Variants in STT3A observed in about 807,000 individuals in gnomAD.
STT3A encodes STT3 oligosaccharyltransferase complex catalytic subunit A.
In STT3A, 34 loss-of-function variants were observed where a neutral mutation model predicts 89.2. That is an observed-to-expected ratio of 0.38 (90% CI 0.29 to 0.51). STT3A has a LOEUF of 0.51. Ranked by LOEUF, STT3A falls within the 20% of genes least tolerant of loss-of-function variation. The pLI is 0.89. For synonymous variants in STT3A, 282 were observed against 310.3 expected, an observed-to-expected ratio of 0.91 and a Z score of 0.96; for missense variants, 555 against 889.5, an observed-to-expected ratio of 0.62 and a Z score of 4.78.
At chr11:125,598,031 G>A (rs1160713882) in intron 3 of STT3A, among the ~76,000 whole-genome samples, 1 of 152,132 alleles carries the variant, frequency 6.6e-6, no homozygotes, top group African/African-American at 2.4e-5. Flanking sequence ...GGCCAACATA[G>A]TAAAACCCCA....
At chr11:125,592,085 G>C (rs1197893074), upstream of STT3A, among the ~76,000 whole-genome samples, 2 of 152,206 alleles carry the variant, frequency 1.3e-5, no homozygotes, top group East Asian at 3.9e-4. Flanking sequence ...CTGCCTCCCG[G>C]TCTCCCGAGG....
chr11:125,619,901 C>G, intron 16 of STT3A, 110 bp from the exon 17 acceptor site: 2 of 918,250 alleles, frequency 2.2e-6, no homozygotes, highest in Non-Finnish European at 3.3e-6. Flanking sequence ...CAACAAATTG[C>G]AGGCTGAGGA....
intron 3 of STT3A, among the ~76,000 whole-genome samples, chr11:125,598,599 T>C (rs990077585): frequency 1.1e-4 from 16 of 152,070 alleles, no homozygotes; most frequent in African/African-American, 3.9e-4. Flanking sequence ...AGGAGACATG[T>C]CCTTTTGTTT....
At chr11:125,594,280 C>A (rs1267394424) in intron 1 of STT3A, among the ~76,000 whole-genome samples, 3 of 152,130 alleles carry the variant, frequency 2.0e-5, no homozygotes, top group Non-Finnish European at 4.4e-5. Context: ...TCTTGATCAC[C>A]TTGTAATTTA....
At chr11:125,611,755 A>G (rs1392627062) in intron 11 of STT3A, among the ~76,000 whole-genome samples, 1 of 151,252 alleles carries the variant, frequency 6.6e-6, no homozygotes, top group African/African-American at 2.4e-5. Context: ...GCATTTTTGC[A>G]CTTTGTTGGA....
intron 8 of STT3A, 23 bp from the exon 9 acceptor site, chr11:125,608,086 C>G (rs754253410): frequency 6.4e-7 from 1 of 1,573,106 alleles, no homozygotes; most frequent in East Asian, 2.3e-5. Flanking sequence ...TTAGTATTAA[C>G]ATACATATCC....
At chr11:125,615,564 A>T (rs1400276356) in intron 15 of STT3A, among the ~76,000 whole-genome samples, 1 of 152,234 alleles carries the variant, frequency 6.6e-6, no homozygotes, top group Non-Finnish European at 1.5e-5. Context: ...CATAGCATCT[A>T]CACTGTATTA....
chr11:125,619,905 C>T (rs932534149), intron 16 of STT3A, 106 bp from the exon 17 acceptor site: 2 of 959,844 alleles, frequency 2.1e-6, no homozygotes, highest in Admixed American at 4.8e-5. Context: ...AAATTGCAGG[C>T]TGAGGAATAA....
At chr11:125,618,325 T>C in intron 15 of STT3A, 48 bp from the exon 16 acceptor site, 1 of 1,532,420 alleles carries the variant, frequency 6.5e-7, no homozygotes, top group Non-Finnish European at 8.8e-7. Context: ...CTGCTTTAAC[T>C]CCAGCAACTT....
intron 1 of STT3A, among the ~76,000 whole-genome samples, chr11:125,594,015 A>G (rs1184472940): frequency 6.6e-6 from 1 of 152,228 alleles, no homozygotes; most frequent in Non-Finnish European, 1.5e-5. Flanking sequence ...AGTATAATTA[A>G]CAACAAAAAT....
At chr11:125,606,557 A>G in intron 8 of STT3A, 92 bp downstream of exon 8, 14 of 1,384,032 alleles carry the variant, frequency 1.0e-5, no homozygotes, top group Non-Finnish European at 1.4e-5. Flanking sequence ...TAAGAAGAGT[A>G]CGACTTATTC....
chr11:125,601,693 G>A (rs114775927), intron 3 of STT3A, among the ~76,000 whole-genome samples: 1 of 152,236 alleles, frequency 6.6e-6, no homozygotes, highest in African/African-American at 2.4e-5. Context: ...TCTTCATGGT[G>A]CTTGAATTCT....
chr11:125,606,207 T>C, intron 7 of STT3A, 94 bp from the exon 8 acceptor site: 1 of 1,161,172 alleles, frequency 8.6e-7, no homozygotes, highest in Non-Finnish European at 1.2e-6. Flanking sequence ...ACTATAAGTG[T>C]TCTTTAAAGA....
chr11:125,612,327 TA>T (rs1940050581), intron 11 of STT3A, among the ~76,000 whole-genome samples: 1 of 152,342 alleles, frequency 6.6e-6, no homozygotes, highest in Non-Finnish European at 1.5e-5. Flanking sequence ...GTGTTTCTCA[TA>T]TTTTTTTGGT....
At position 125,614,229 on chromosome 11, in the gene STT3A, T is replaced by G; in HGVS notation, c.1671+26T>G. The G allele has an allele frequency of 6.2e-7, 1 of 1,612,366 alleles. No homozygotes were observed. Among genetic ancestry groups the G allele is most frequent in the Non-Finnish European group, 8.5e-7 (1 of 1,178,610 alleles). On this transcript the variant is annotated intron_variant, in intron 14 of 17. Coordinates refer to ENST00000392708, the MANE Select transcript of STT3A (RefSeq NM_152713.5). The surrounding 1 kb of genome is among the most constrained non-coding windows in gnomAD (Gnocchi z 4.9). ...GTAAGATAAAGGGATGATCTTTGAG[T>G]GTTTGGTGTACAAGGTCTAATGGGA...
At chr11:125,600,795 T>C (rs6590151) in intron 3 of STT3A, among the ~76,000 whole-genome samples, 42,444 of 152,086 alleles carry the variant, frequency 0.28, 6,115 homozygotes, top group East Asian at 0.41. Flanking sequence ...TATCTTTCTA[T>C]ATTTTTTTTG....
chr11:125,605,707 C>CTAAGTG lies in STT3A; in HGVS notation c.589_594dup (p.Lys197_Cys198dup). Reference sequence around the variant, plus strand: ...AAGACTGGTTCCATCTGTTGGGCAGCTAAGTGTGCCCTTGCTTATTTCTAC... The same window carrying CTAAGTG: ...AAGACTGGTTCCATCTGTTGGGCAGCTAAGTGTAAGTGTGCCCTTGCTTATTTCTAC... On this transcript the variant is annotated inframe_insertion, in exon 7 of 18. Transcript: ENST00000392708. The CTAAGTG allele has an allele frequency of 6.2e-7, 1 of 1,613,912 alleles. No homozygotes were observed. Among genetic ancestry groups the CTAAGTG allele is most frequent in the Non-Finnish European group, 8.5e-7 (1 of 1,179,874 alleles).
chr11:125,620,894 T>C lies in STT3A; in HGVS notation c.*84T>C. 1 of 1,127,612 alleles carries C rather than the reference T, an allele frequency of 8.9e-7. No individual in the cohort carries two copies. Among genetic ancestry groups the C allele is most frequent in the Non-Finnish European group, 1.2e-6 (1 of 801,344 alleles). The allele number at this position is 1,127,612 out of a possible 1,614,324, so 69.9% of individuals were successfully genotyped here. On this transcript the variant is annotated 3_prime_UTR_variant, in exon 18 of 18. Transcript: ENST00000392708. ...GATTTTTTTTTTTTTTTTTTTTTAA[T>C]ATGCAGTTTGTAAGAACAAAACTGG...
At chr11:125,619,899 T>C in intron 16 of STT3A, 112 bp from the exon 17 acceptor site, 1 of 911,132 alleles carries the variant, frequency 1.1e-6, no homozygotes, top group Non-Finnish European at 1.7e-6. Flanking sequence ...CTCAACAAAT[T>C]GCAGGCTGAG....
Sources: allele counts gnomAD v4.1 joint callset (sites outside exome capture counted in the v4.1 genomes callset), GRCh38; gene constraint gnomAD v4.1.1; non-coding constraint Gnocchi (gnomAD v3.1); transcripts MANE v1.5; gene names NCBI Gene and HGNC (gene_info 2026-07-23, HGNC 2026-07-21).